ST18: variants seen among roughly 807,000 people sequenced by gnomAD.
The protein encoded by ST18 is ST18 C2H2C-type zinc finger transcription factor, also known as suppression of tumorigenicity 18 protein.
ST18 carries 50 observed loss-of-function variants against 110.0 expected under a neutral mutation model. The observed-to-expected ratio is 0.45, with a 90% CI of 0.36 to 0.58. ST18 has a LOEUF of 0.58. Ranked by LOEUF, ST18 falls within the 20% of genes least tolerant of loss-of-function variation. ST18 has a pLI of 0.00. For synonymous variants in ST18, 461 were observed against 452.4 expected (o/e 1.02, Z -0.24); for missense variants, 1,306 against 1,280.1 (o/e 1.02, Z -0.31).
chr8:52,188,706 G>A (rs893734749), intron 8 of ST18, among the ~76,000 whole-genome samples: 2 of 152,210 alleles, frequency 1.3e-5, no homozygotes, highest in Non-Finnish European at 2.9e-5. Context: ...GATGAGAGAT[G>A]TGAGTGATTT....
intron 8 of ST18, among the ~76,000 whole-genome samples, chr8:52,197,660 T>C (rs1588235411): frequency 6.6e-6 from 1 of 151,130 alleles, no homozygotes; most frequent in South Asian, 2.1e-4. Flanking sequence ...AAAGATAAAA[T>C]AAAAAGAAGG....
chr8:52,320,798 G>C (rs1269414255), intron 2 of ST18, among the ~76,000 whole-genome samples: 1 of 152,196 alleles, frequency 6.6e-6, no homozygotes, highest in Non-Finnish European at 1.5e-5. Flanking sequence ...AGATGCATCT[G>C]CCTTATGACC....
At chr8:52,224,045 G>T (rs894586034) in intron 3 of ST18, among the ~76,000 whole-genome samples, 1 of 152,004 alleles carries the variant, frequency 6.6e-6, no homozygotes, top group Non-Finnish European at 1.5e-5. Context: ...GCTCTTAATC[G>T]CTCTTCTAAT....
At position 52,390,569 on chromosome 8, in the gene ST18, C is replaced by A. The variant is rs188723392; in HGVS notation, c.-465+18759G>T. On this transcript the variant is annotated intron_variant, in intron 2 of 25. Transcript: ENST00000689386. Reference sequence around the variant, plus strand: ...CGATTCCGACATTTGAGGTGAATGTCCCCATCCCCTTGATTTGCTTGCATT... The same window carrying A: ...CGATTCCGACATTTGAGGTGAATGTACCCATCCCCTTGATTTGCTTGCATT... Among the ~76,000 whole-genome samples, 5 of 152,294 alleles carry A rather than the reference C, an allele frequency of 3.3e-5. No individual in the cohort carries two copies. The East Asian group carries it at 7.7e-4, about 23-fold the overall frequency.
chr8:52,408,670 A>G (rs1208889910), intron 2 of ST18, among the ~76,000 whole-genome samples: 1 of 152,218 alleles, frequency 6.6e-6, no homozygotes, highest in Admixed American at 6.5e-5. Flanking sequence ...GCCTCCTTCA[A>G]AATACCCATT....
intron 15 of ST18, chr8:52,154,612 C>G (rs960264010): frequency 6.6e-6 from 1 of 152,186 alleles, no homozygotes; most frequent in Non-Finnish European, 1.5e-5. Flanking sequence ...CCTGTGGCCC[C>G]GTGGCAAGAC....
intron 2 of ST18, among the ~76,000 whole-genome samples, chr8:52,352,660 C>T (rs10088201): frequency 0.78 from 119,150 of 152,058 alleles, 49,873 homozygotes; most frequent in Non-Finnish European, 0.92. Flanking sequence ...TGCCAGGCCC[C>T]GTGCTGGGCA....
At chr8:52,338,826 C>T (rs1813463618) in intron 2 of ST18, among the ~76,000 whole-genome samples, 1 of 152,086 alleles carries the variant, frequency 6.6e-6, no homozygotes, top group Non-Finnish European at 1.5e-5. Context: ...CAGCCTCAAC[C>T]TTCTGAGCTC....
chr8:52,230,157 T>G (rs2090874759), intron 2 of ST18, 80 bp from the exon 3 acceptor site: 1 of 152,236 alleles, frequency 6.6e-6, no homozygotes, highest in African/African-American at 2.4e-5. Context: ...ATCTACAGCT[T>G]ATTAACTATA....
At chr8:52,242,180 C>T (rs1214742145) in intron 2 of ST18, among the ~76,000 whole-genome samples, 1 of 152,186 alleles carries the variant, frequency 6.6e-6, no homozygotes, top group African/African-American at 2.4e-5. Context: ...ACAGTAACTG[C>T]CTAATGAAGA....
At chr8:52,269,675 T>C (rs2095003588) in intron 2 of ST18, among the ~76,000 whole-genome samples, 1 of 152,156 alleles carries the variant, frequency 6.6e-6, no homozygotes, top group African/African-American at 2.4e-5. Flanking sequence ...GTGACCCTTT[T>C]CTCTGCACTG....
At chr8:52,151,675 C>T (rs939719179) in intron 15 of ST18, among the ~76,000 whole-genome samples, 4 of 152,194 alleles carry the variant, frequency 2.6e-5, no homozygotes, top group Non-Finnish European at 5.9e-5. Context: ...TTTTTGGCTT[C>T]GTAGCTGATA....
At chr8:52,294,933 T>A (rs1409366681) in intron 2 of ST18, among the ~76,000 whole-genome samples, 2 of 152,238 alleles carry the variant, frequency 1.3e-5, no homozygotes, top group African/African-American at 4.8e-5. Flanking sequence ...TAAGTTGTTA[T>A]ATGCTACTGT....
At chr8:52,320,382 T>A (rs137863665) in intron 2 of ST18, among the ~76,000 whole-genome samples, 295 of 152,262 alleles carry the variant, frequency 1.9e-3, no homozygotes, top group African/African-American at 6.6e-3. Context: ...TATTGATTTT[T>A]TTTTTACCAC....
At chr8:52,297,503 G>C (rs781438804) in intron 2 of ST18, among the ~76,000 whole-genome samples, 6 of 152,020 alleles carry the variant, frequency 3.9e-5, no homozygotes, top group Non-Finnish European at 8.8e-5. Flanking sequence ...ATTTAATGTT[G>C]AGCTTAAAGC....
At chr8:52,353,761 T>G (rs1359207872) in intron 2 of ST18, among the ~76,000 whole-genome samples, 1 of 152,222 alleles carries the variant, frequency 6.6e-6, no homozygotes, top group Non-Finnish European at 1.5e-5. Context: ...GTAACTCACC[T>G]AGCATGGTGC....
At chr8:52,304,329 T>A (rs1034824170) in intron 2 of ST18, among the ~76,000 whole-genome samples, 2 of 151,768 alleles carry the variant, frequency 1.3e-5, no homozygotes, top group Admixed American at 1.3e-4. Flanking sequence ...TGTGAGTACA[T>A]ACACACACAC....
intron 2 of ST18, among the ~76,000 whole-genome samples, chr8:52,264,852 C>T (rs990313934): frequency 6.6e-6 from 1 of 152,122 alleles, no homozygotes; most frequent in Non-Finnish European, 1.5e-5. Flanking sequence ...AGAAGGTGGC[C>T]TTCAAACACC....
rs142547024 is a variant in ST18, at chr8:52,323,104, C to T, written c.-465+86224G>A. The stretch of plus-strand genomic sequence containing the variant: ...AATCAGGATTCATTCTACATAATGG[C>T]TATGTTCAGGAACTCTGTGCATGGA... On this transcript the variant is annotated intron_variant, in intron 2 of 25. Coordinates refer to ENST00000689386, the MANE Select transcript of ST18 (RefSeq NM_001352837.2). Among the ~76,000 whole-genome samples, 235 of 152,248 alleles carry T rather than the reference C, an allele frequency of 1.5e-3. 3 individuals are homozygous for T. Among genetic ancestry groups the T allele is most frequent in the East Asian group, 0.01 (54 of 5,164 alleles).
Sources: allele counts gnomAD v4.1 joint callset (sites outside exome capture counted in the v4.1 genomes callset), GRCh38; gene constraint gnomAD v4.1.1; transcripts MANE v1.5; gene names NCBI Gene and HGNC (gene_info 2026-07-23, HGNC 2026-07-21).